HAPSTR1: variants seen among roughly 807,000 people sequenced by gnomAD.
HAPSTR1 encodes the protein HUWE1 associated protein modifying stress responses, also known as HUWE1-associated protein modifying stress responses 1.
the HAPSTR1 span, chr16:9,119,129 T>C: frequency 6.6e-6 from 1 of 152,624 alleles, no homozygotes; most frequent in Non-Finnish European, 1.5e-5. Context: ...CCTAATGAAT[T>C]TGTCACCCAG....
the HAPSTR1 span, chr16:9,092,366 ACGG>A: frequency 1.8e-6 from 2 of 1,106,456 alleles, no homozygotes; most frequent in Admixed American, 4.4e-5. Context: ...GGGGGCCGCG[ACGG>A]CGGCGGCCTC....
At chr16:9,101,589 G>A in the HAPSTR1 span, among the ~76,000 whole-genome samples, 1 of 152,020 alleles carries the variant, frequency 6.6e-6, no homozygotes, top group Non-Finnish European at 1.5e-5. Flanking sequence ...AAGATCTGTG[G>A]ACAATATCCT....
chr16:9,111,847 C>G, the HAPSTR1 span: 1 of 151,998 alleles, frequency 6.6e-6, no homozygotes, highest in Non-Finnish European at 1.5e-5. Context: ...TTCTTCTAGT[C>G]TTTTTTTCAA....
At chr16:9,107,229 T>C in the HAPSTR1 span, 1 of 152,268 alleles carries the variant, frequency 6.6e-6, no homozygotes, top group African/African-American at 2.4e-5. Context: ...CATTGAGCCA[T>C]TGAGCCATTC....
At chr16:9,110,296 C>G in the HAPSTR1 span, 4 of 151,484 alleles carry the variant, frequency 2.6e-5, no homozygotes, top group South Asian at 4.2e-4. Flanking sequence ...AAAAATCATT[C>G]GAAATCAGAT....
the HAPSTR1 span, among the ~76,000 whole-genome samples, chr16:9,100,502 G>C: frequency 6.6e-6 from 1 of 150,898 alleles, no homozygotes; most frequent in Admixed American, 6.6e-5. Flanking sequence ...TTTTTTTGCT[G>C]TCTGGTTTGC....
At chr16:9,114,845 A>G in the HAPSTR1 span, among the ~76,000 whole-genome samples, 3 of 152,246 alleles carry the variant, frequency 2.0e-5, no homozygotes, top group Admixed American at 6.5e-5. Flanking sequence ...CAGAATGGAG[A>G]TATTATAGGT....
chr16:9,115,385 C>T, the HAPSTR1 span, among the ~76,000 whole-genome samples: 3 of 152,104 alleles, frequency 2.0e-5, no homozygotes, highest in South Asian at 6.2e-4. Context: ...ATAACAGATC[C>T]CTAGGTGAGG....
chr16:9,093,652 A>G, the HAPSTR1 span, among the ~76,000 whole-genome samples: 1 of 152,210 alleles, frequency 6.6e-6, no homozygotes, highest in Admixed American at 6.5e-5. Context: ...AGTTGCTGGC[A>G]GGAATTCTGT....
At chr16:9,119,251 C>T in the HAPSTR1 span, 1 of 152,232 alleles carries the variant, frequency 6.6e-6, no homozygotes, top group Non-Finnish European at 1.5e-5. Context: ...AAACTTCTGA[C>T]AGCTAGGTTT....
At chr16:9,091,969 G>T in the HAPSTR1 span, 4 of 1,259,820 alleles carry the variant, frequency 3.2e-6, no homozygotes, top group Non-Finnish European at 4.1e-6. Flanking sequence ...GCCGCTTGAC[G>T]ACGACGCTCC....
chr16:9,108,573 C>T, the HAPSTR1 span: 1 of 152,100 alleles, frequency 6.6e-6, no homozygotes, highest in African/African-American at 2.4e-5. Context: ...AGACCTAGGG[C>T]TTAGGTGTCG....
the HAPSTR1 span, chr16:9,092,844 C>G: frequency 7.2e-7 from 1 of 1,395,106 alleles, no homozygotes; most frequent in East Asian, 2.5e-5. Flanking sequence ...AAATAACATT[C>G]TTGTTCTCTT....
chr16:9,095,098 C>T, the HAPSTR1 span, among the ~76,000 whole-genome samples: 1 of 152,106 alleles, frequency 6.6e-6, no homozygotes, highest in Admixed American at 6.5e-5. Flanking sequence ...ATTGTAAATG[C>T]TAGATTGTTA....
At chr16:9,110,157 C>T in the HAPSTR1 span, 1 of 91,840 alleles carries the variant, frequency 1.1e-5, no homozygotes, top group Non-Finnish European at 2.1e-5. Context: ...TCTGGGTTCT[C>T]CTTTTTTTTT....
the HAPSTR1 span, chr16:9,117,273 T>C: frequency 4.7e-6 from 1 of 212,838 alleles, no homozygotes; most frequent in South Asian, 6.8e-5. Context: ...TTTTTTTTTT[T>C]GGGTCCATTT....
chr16:9,103,551 C>T, the HAPSTR1 span: 12 of 277,516 alleles, frequency 4.3e-5, no homozygotes, highest in Non-Finnish European at 7.4e-5. Context: ...ATGTGTTGTA[C>T]GTGTTTTTTT....
At chr16:9,112,108 G>T in the HAPSTR1 span, 1 of 152,164 alleles carries the variant, frequency 6.6e-6, no homozygotes, top group Non-Finnish European at 1.5e-5. Context: ...TTTACAGATT[G>T]GGGTGGGGAG....
the HAPSTR1 span, among the ~76,000 whole-genome samples, chr16:9,094,116 CCTT>C: frequency 7.2e-5 from 11 of 151,992 alleles, no homozygotes; most frequent in Admixed American, 7.2e-4. Flanking sequence ...AAAAATATCT[CCTT>C]GTGAGATTTC....
Sources: allele counts gnomAD v4.1 joint callset (sites outside exome capture counted in the v4.1 genomes callset), GRCh38; gene constraint gnomAD v4.1.1; transcripts MANE v1.5; gene names NCBI Gene and HGNC (gene_info 2026-07-23, HGNC 2026-07-21).